The following UGGT2 variants were observed in gnomAD, a reference collection of about 807,000 sequenced individuals.
The protein encoded by UGGT2 is UDP-glucose:glycoprotein glucosyltransferase 2.
Under a neutral mutation model 192.1 loss-of-function variants are expected in UGGT2, and 180 were observed. The observed-to-expected ratio is 0.94, with a 90% CI of 0.83 to 1.06. The LOEUF (loss-of-function observed/expected upper bound fraction) is 1.06. Among genes scored for constraint, UGGT2 ranks in the 50% least tolerant of loss-of-function variants. The pLI, the probability that UGGT2 is intolerant of heterozygous loss-of-function variation, is 0.00. For synonymous variants in UGGT2, 580 were observed against 591.0 expected (o/e 0.98, Z 0.27); for missense variants, 1,849 against 1,795.7 (o/e 1.03, Z -0.54).
At chr13:95,873,571 T>C (rs918975709) in intron 29 of UGGT2, among the ~76,000 whole-genome samples, 1 of 152,208 alleles carries the variant, frequency 6.6e-6, no homozygotes, top group Non-Finnish European at 1.5e-5. Context: ...TTCCCTTATA[T>C]ATACTGCTAG....
chr13:95,944,698 CTGAA>C (rs1285762000), intron 15 of UGGT2, among the ~76,000 whole-genome samples: 1 of 151,946 alleles, frequency 6.6e-6, no homozygotes, highest in Non-Finnish European at 1.5e-5. Context: ...TTACTCATTT[CTGAA>C]TGGTTAACTA....
At chr13:95,872,961 A>C (rs1397617246) in intron 29 of UGGT2, among the ~76,000 whole-genome samples, 1 of 152,228 alleles carries the variant, frequency 6.6e-6, no homozygotes, top group Non-Finnish European at 1.5e-5. Flanking sequence ...AAACCCCACA[A>C]GGGAGGTAGG....
chr13:95,921,152 A>G (rs1434117453), intron 20 of UGGT2, among the ~76,000 whole-genome samples: 1 of 152,048 alleles, frequency 6.6e-6, no homozygotes, highest in Admixed American at 6.6e-5. Flanking sequence ...ATGAGACCAC[A>G]TGGACAAAAT....
At chr13:95,924,835 A>G (rs868366085) in intron 20 of UGGT2, among the ~76,000 whole-genome samples, 22 of 152,190 alleles carry the variant, frequency 1.4e-4, no homozygotes, top group African/African-American at 5.1e-4. Context: ...AGTGGCATGT[A>G]AGTGAGTCAT....
chr13:95,908,669 G>C (rs1479653090), intron 20 of UGGT2, among the ~76,000 whole-genome samples: 1 of 147,498 alleles, frequency 6.8e-6, no homozygotes, highest in Non-Finnish European at 1.5e-5. Context: ...TCTCATTGTG[G>C]TTTTGATTTG....
intron 38 of UGGT2, among the ~76,000 whole-genome samples, chr13:95,831,828 T>C (rs1886727112): frequency 6.6e-6 from 1 of 152,006 alleles, no homozygotes; most frequent in Non-Finnish European, 1.5e-5. Context: ...TGAGGTAATT[T>C]TCCTTTCTTC....
chr13:96,018,297 C>T (rs1367763086), intron 4 of UGGT2, among the ~76,000 whole-genome samples: 3 of 152,102 alleles, frequency 2.0e-5, no homozygotes, highest in Non-Finnish European at 4.4e-5. Context: ...AGGCAGATTG[C>T]TTGAGCTCAG....
At chr13:96,039,407 T>C (rs1462612359) in intron 1 of UGGT2, among the ~76,000 whole-genome samples, 1 of 152,206 alleles carries the variant, frequency 6.6e-6, no homozygotes, top group Non-Finnish European at 1.5e-5. Flanking sequence ...CCCCAGATCC[T>C]TCCTGGATAT....
At chr13:95,849,715 G>A (rs1221973235) in intron 36 of UGGT2, among the ~76,000 whole-genome samples, 2 of 151,728 alleles carry the variant, frequency 1.3e-5, no homozygotes, top group African/African-American at 4.8e-5. Flanking sequence ...AGGGGTACAT[G>A]TACAAGTTTG....
chr13:95,939,927 T>C (rs1437890819), intron 16 of UGGT2, 30 bp downstream of exon 16: 2 of 1,542,162 alleles, frequency 1.3e-6, no homozygotes, highest in South Asian at 1.2e-5. Flanking sequence ...GTGCCTGGCC[T>C]ACTCCACTTA....
chr13:95,801,851 A>G (rs1405898831), intron 38 of UGGT2, 39 bp from the exon 39 acceptor site: 1 of 1,611,056 alleles, frequency 6.2e-7, no homozygotes, highest in Admixed American at 1.7e-5. Flanking sequence ...CTGGCATCTT[A>G]AACATAAAAA....
At chr13:96,004,531 T>C (rs2051909388) in intron 5 of UGGT2, among the ~76,000 whole-genome samples, 1 of 152,118 alleles carries the variant, frequency 6.6e-6, no homozygotes, top group African/African-American at 2.4e-5. Flanking sequence ...GTGACTATGG[T>C]TAATAATTTA....
At chr13:95,843,121 T>C (rs1888036543) in intron 36 of UGGT2, among the ~76,000 whole-genome samples, 1 of 152,244 alleles carries the variant, frequency 6.6e-6, no homozygotes, top group Non-Finnish European at 1.5e-5. Context: ...TTTATTTCTC[T>C]TGGGTAAACA....
intron 10 of UGGT2, among the ~76,000 whole-genome samples, chr13:95,973,710 G>A (rs998596835): frequency 4.6e-5 from 7 of 152,228 alleles, no homozygotes; most frequent in Middle Eastern, 3.4e-3. Flanking sequence ...TATCCAGTAC[G>A]GTTGTCAAGA....
chr13:95,944,053 A>T (rs553937798), intron 15 of UGGT2, among the ~76,000 whole-genome samples: 3 of 152,058 alleles, frequency 2.0e-5, no homozygotes, highest in African/African-American at 7.2e-5. Flanking sequence ...ATATTTAGAG[A>T]TTCTTTGAAT....
rs139144308 is a variant in UGGT2 at position 95,912,217 on chromosome 13, G to C, written c.2296-9157C>G. ...TCTCTCACCACTCCTATTCAACATA[G>C]TGTTGGAAGTTCTGGCCAGGGCAGT... On this transcript the variant is annotated intron_variant, in intron 20 of 38. Coordinates refer to ENST00000376747, the MANE Select transcript of UGGT2 (RefSeq NM_020121.4). Among the ~76,000 whole-genome samples the C allele has an allele frequency of 9.2e-3, 1,406 of 152,306 alleles. 26 individuals are homozygous for C. Among genetic ancestry groups the C allele is most frequent in the African/African-American group, 0.032 (1,341 of 41,564 alleles).
At chr13:96,022,621 T>A (rs1183655925) in intron 4 of UGGT2, among the ~76,000 whole-genome samples, 1 of 151,862 alleles carries the variant, frequency 6.6e-6, no homozygotes, top group Non-Finnish European at 1.5e-5. Flanking sequence ...AATAATTTAC[T>A]TCTGATTTGC....
intron 1 of UGGT2, among the ~76,000 whole-genome samples, chr13:96,036,710 C>CT (rs1741541798): frequency 6.6e-6 from 1 of 152,186 alleles, no homozygotes; most frequent in Non-Finnish European, 1.5e-5. Context: ...TTGAGACCAT[C>CT]TAAACCAGTT....
At chr13:95,915,226 T>G (rs189048110) in intron 20 of UGGT2, among the ~76,000 whole-genome samples, 1 of 152,332 alleles carries the variant, frequency 6.6e-6, no homozygotes, top group East Asian at 1.9e-4. Context: ...TGCTGAAATG[T>G]CATCTTCTCA....
Sources: gnomAD v4.1 joint callset for allele counts (sites outside exome capture counted in the v4.1 genomes callset) on GRCh38, gnomAD v4.1.1 for gene constraint, MANE v1.5 for transcripts, NCBI Gene and HGNC (gene_info 2026-07-23, HGNC 2026-07-21) for gene names.